The following TENM3 variants were observed in gnomAD, a reference collection of about 807,000 sequenced individuals.
TENM3 encodes teneurin transmembrane protein 3.
In TENM3, 63 loss-of-function variants were observed where a neutral mutation model predicts 255.1. The ratio of observed to expected loss-of-function variants is 0.25; its 90% confidence interval spans 0.20 to 0.30. TENM3 has a LOEUF of 0.30. Ranked by LOEUF, TENM3 falls within the 10% of genes least tolerant of loss-of-function variation. The probability of loss-of-function intolerance (pLI) is 1.00; values close to 1 mark genes in which losing one functional copy is unlikely to be tolerated. For missense variants in TENM3, 2,929 were observed against 3,461.1 expected (o/e 0.85, Z 3.86); for synonymous variants, 1,306 against 1,322.3 (o/e 0.99, Z 0.27).
the TENM3 span, among the ~76,000 whole-genome samples, chr4:181,599,319 C>T: frequency 6.6e-6 from 1 of 152,170 alleles, no homozygotes; most frequent in Non-Finnish European, 1.5e-5. Flanking sequence ...CAGTGAATCA[C>T]ACTGTAATTA....
the TENM3 span, among the ~76,000 whole-genome samples, chr4:181,827,006 T>G: frequency 6.6e-6 from 1 of 152,198 alleles, no homozygotes; most frequent in East Asian, 1.9e-4. Flanking sequence ...TGCTCTGATT[T>G]CATCTCTGTC....
intron 1 of TENM3, among the ~76,000 whole-genome samples, chr4:182,244,146 G>A: frequency 1.3e-5 from 2 of 151,098 alleles, no homozygotes; most frequent in Admixed American, 6.6e-5. Flanking sequence ...GTAGAGACGG[G>A]GTTTCACCAT....
chr4:182,128,413 A>G, the TENM3 span, among the ~76,000 whole-genome samples: 351 of 152,194 alleles, frequency 2.3e-3, no homozygotes, highest in Non-Finnish European at 3.7e-3. Flanking sequence ...CCTGCACTCA[A>G]GTGATCCTCC....
At chr4:182,175,753 T>A (rs913280574) in intron 1 of TENM3, among the ~76,000 whole-genome samples, 5 of 152,240 alleles carry the variant, frequency 3.3e-5, no homozygotes, top group Non-Finnish European at 7.3e-5. Context: ...ATTGGTTTGC[T>A]GAACCCCTAA....
At chr4:182,693,041 T>C (rs1484295855) in intron 12 of TENM3, among the ~76,000 whole-genome samples, 1 of 152,212 alleles carries the variant, frequency 6.6e-6, no homozygotes, top group African/African-American at 2.4e-5. Context: ...CATTTAACTT[T>C]TTGTTTTTCC....
chr4:181,720,042 T>C, the TENM3 span, among the ~76,000 whole-genome samples: 8 of 152,360 alleles, frequency 5.3e-5, no homozygotes, highest in Non-Finnish European at 1.0e-4. Context: ...GGATAACCAT[T>C]TTCTAAGAAC....
At chr4:182,017,054 A>G in the TENM3 span, among the ~76,000 whole-genome samples, 1 of 152,240 alleles carries the variant, frequency 6.6e-6, no homozygotes, top group East Asian at 1.9e-4. Context: ...CCAAACATAG[A>G]CAAGACCACA....
chr4:182,795,383 A>G (rs1766424434), intron 26 of TENM3, among the ~76,000 whole-genome samples: 1 of 152,176 alleles, frequency 6.6e-6, no homozygotes, highest in African/African-American at 2.4e-5. Flanking sequence ...TTCTCCCAAA[A>G]TAAGGCCCTC....
At chr4:181,927,389 T>C in the TENM3 span, among the ~76,000 whole-genome samples, 1 of 152,136 alleles carries the variant, frequency 6.6e-6, no homozygotes, top group Admixed American at 6.5e-5. Context: ...CCCCTCACAG[T>C]GTAAATAAAG....
At chr4:181,570,039 T>C in the TENM3 span, among the ~76,000 whole-genome samples, 14 of 145,192 alleles carry the variant, frequency 9.6e-5, no homozygotes, top group East Asian at 3.9e-4. Flanking sequence ...ATGTTTCTTT[T>C]TTTTTTTTTT....
chr4:182,368,154 C>T (rs776358258), intron 3 of TENM3, among the ~76,000 whole-genome samples: 1 of 152,168 alleles, frequency 6.6e-6, no homozygotes, highest in Non-Finnish European at 1.5e-5. Flanking sequence ...TTCCTGTACT[C>T]TTGACTTTGT....
At chr4:182,254,959 G>A (rs970930445) in intron 1 of TENM3, among the ~76,000 whole-genome samples, 2 of 152,164 alleles carry the variant, frequency 1.3e-5, no homozygotes, top group Non-Finnish European at 2.9e-5. Context: ...CGAACCATGT[G>A]TGTATATTTA....
In TENM3 at chr4:182,755,474, C is replaced by A. The variant is rs12512258; in HGVS notation, c.4892+215C>A. The A allele has an allele frequency of 0.54, 265,536 of 490,420 alleles. 74,486 individuals carry two copies. The highest frequency in any genetic ancestry group is 0.58 in the East Asian group (16,764 of 28,712). 30.4% of individuals were successfully genotyped at this position (490,420 alleles called of 1,614,324 possible). A position where few individuals can be genotyped will look rare whatever the true frequency, so the allele number is the denominator to read the frequency against. The stretch of plus-strand genomic sequence containing the variant: ...GGAGGATTGCTTGAGCCCAGGACTT[C>A]GAGGCCACAGTGAGCTATGATTGTG... On this transcript the variant is annotated intron_variant, in intron 22 of 27. Coordinates refer to ENST00000511685, the MANE Select transcript of TENM3 (RefSeq NM_001080477.4).
chr4:181,922,968 A>T, the TENM3 span, among the ~76,000 whole-genome samples: 1 of 152,120 alleles, frequency 6.6e-6, no homozygotes, highest in Admixed American at 6.6e-5. Flanking sequence ...GAACATCTTT[A>T]TATCTGCCTT....
At chr4:182,797,868 A>G (rs1180020282) in intron 27 of TENM3, among the ~76,000 whole-genome samples, 1 of 152,202 alleles carries the variant, frequency 6.6e-6, no homozygotes, top group East Asian at 1.9e-4. Context: ...TGGTTAACAC[A>G]CACACAGGCT....
At chr4:182,148,206 A>G (rs562610780) in intron 1 of TENM3, among the ~76,000 whole-genome samples, 3 of 152,216 alleles carry the variant, frequency 2.0e-5, no homozygotes, top group East Asian at 1.9e-4. Context: ...GTTGTAATCA[A>G]TTTTAGATAC....
the TENM3 span, among the ~76,000 whole-genome samples, chr4:181,741,928 A>C: frequency 1.3e-5 from 2 of 152,200 alleles, no homozygotes; most frequent in East Asian, 3.9e-4. Context: ...CTAGCTACAC[A>C]TAATATCATC....
intron 22 of TENM3, among the ~76,000 whole-genome samples, chr4:182,767,785 C>G (rs1474854368): frequency 6.6e-6 from 1 of 152,192 alleles, no homozygotes; most frequent in African/African-American, 2.4e-5. Context: ...CAGGCTAGCT[C>G]TGGGATGGCC....
chr4:181,780,640 A>C, the TENM3 span, among the ~76,000 whole-genome samples: 1 of 152,234 alleles, frequency 6.6e-6, no homozygotes, highest in South Asian at 2.1e-4. Flanking sequence ...CTTTAGTTTA[A>C]TTAGATCCCA....
Sources: allele counts gnomAD v4.1 joint callset (sites outside exome capture counted in the v4.1 genomes callset), GRCh38; gene constraint gnomAD v4.1.1; transcripts MANE v1.5; gene names NCBI Gene and HGNC (gene_info 2026-07-23, HGNC 2026-07-21).